TDRD5: variants seen among roughly 807,000 people sequenced by gnomAD.
TDRD5 encodes the protein tudor domain-containing protein 5.
In TDRD5, 41 loss-of-function variants were observed where a neutral mutation model predicts 120.6. The ratio of observed to expected loss-of-function variants is 0.34; its 90% confidence interval spans 0.26 to 0.44. The LOEUF is 0.44. Among genes scored for constraint, TDRD5 ranks in the 20% least tolerant of loss-of-function variants. TDRD5 has a pLI of 1.00. For missense variants in TDRD5, 1,006 were observed against 1,221.2 expected (o/e 0.82, Z 2.63); for synonymous variants, 430 against 433.7 (o/e 0.99, Z 0.11).
At chr1:179,621,134 A>T (rs769113540) in intron 6 of TDRD5, 43 bp downstream of exon 6, 7 of 1,549,774 alleles carry the variant, frequency 4.5e-6, no homozygotes, top group Middle Eastern at 1.7e-4. Flanking sequence ...TTTATGGCTT[A>T]TATTTCTTGT....
chr1:179,643,772 T>C (rs989560483), intron 11 of TDRD5, among the ~76,000 whole-genome samples: 3 of 150,266 alleles, frequency 2.0e-5, no homozygotes, highest in Admixed American at 6.6e-5. Context: ...AGAGAGAGAA[T>C]AGGATGGAAA....
At chr1:179,652,588 TA>T in intron 13 of TDRD5, among the ~76,000 whole-genome samples, 1 of 152,308 alleles carries the variant, frequency 6.6e-6, no homozygotes, top group East Asian at 1.9e-4. Context: ...CAGCCCACAG[TA>T]ATAAGAACAA....
At chr1:179,662,333 G>T in intron 15 of TDRD5, 47 bp downstream of exon 15, 2 of 1,564,674 alleles carry the variant, frequency 1.3e-6, no homozygotes, top group South Asian at 1.2e-5. Flanking sequence ...GGGCACTGCG[G>T]CTCAAGCCTG....
At chr1:179,657,825 A>G (rs1679088010) in intron 14 of TDRD5, among the ~76,000 whole-genome samples, 1 of 152,146 alleles carries the variant, frequency 6.6e-6, no homozygotes, top group Non-Finnish European at 1.5e-5. Flanking sequence ...TAGCATATGC[A>G]TTACCTCACA....
chr1:179,614,033 C>G (rs1676428905), intron 4 of TDRD5, among the ~76,000 whole-genome samples: 2 of 152,112 alleles, frequency 1.3e-5, no homozygotes, highest in Non-Finnish European at 2.9e-5. Context: ...TTCCAAAGTG[C>G]TTTCATCATT....
intron 6 of TDRD5, among the ~76,000 whole-genome samples, chr1:179,621,954 C>T (rs1676865508): frequency 6.6e-6 from 1 of 152,058 alleles, no homozygotes; most frequent in South Asian, 2.1e-4. Flanking sequence ...AACTACTGTG[C>T]CATGAAAACT....
intron 6 of TDRD5, among the ~76,000 whole-genome samples, chr1:179,629,457 G>A (rs935569852): frequency 6.6e-6 from 1 of 151,936 alleles, no homozygotes; most frequent in Non-Finnish European, 1.5e-5. Flanking sequence ...GAGTTTTTCA[G>A]TATAAAATGC....
At chr1:179,611,905 G>A (rs1429719540) in intron 4 of TDRD5, among the ~76,000 whole-genome samples, 1 of 152,164 alleles carries the variant, frequency 6.6e-6, no homozygotes, top group East Asian at 1.9e-4. Flanking sequence ...CTGAGAGGGG[G>A]TGTGGGTTCT....
In TDRD5 at chr1:179,618,617, T is replaced by A; in HGVS notation, c.850T>A (p.Ser284Thr). The A allele has an allele frequency of 6.3e-7, 1 of 1,590,130 alleles. No individual in the cohort carries two copies. Among genetic ancestry groups the A allele is most frequent in the Non-Finnish European group, 8.5e-7 (1 of 1,170,696 alleles). ...TTCATAGCTGGAGAACACATTCAAA[T>A]CAGTTATTGCACAGATTGGACCTGG... is the stretch of plus-strand genomic sequence containing the variant. ...KLNQLENTFK[S>T]VIAQIGPGGT... Residue 284 changes from serine (S) to threonine (T), a missense_variant, in exon 5 of 18, where the codon TCA becomes ACA. Coordinates refer to ENST00000444136, the MANE Select transcript of TDRD5 (RefSeq NM_001199085.3).
rs536411922 is a variant in TDRD5 at position 179,637,568 on chromosome 1, G to T, written c.1520+1681G>T. Among the ~76,000 whole-genome samples the T allele has an allele frequency of 1.3e-4, 19 of 151,584 alleles. 1 individual carries two copies. The highest frequency in any genetic ancestry group is 8.5e-4 in the Admixed American group (13 of 15,248). Reference sequence around the variant, plus strand: ...TCAAGATTCATCTGGGCAACATAGTGAGACCCTGTATCTACAAAAGAATTA... The same window carrying T: ...TCAAGATTCATCTGGGCAACATAGTTAGACCCTGTATCTACAAAAGAATTA... On this transcript the variant is annotated intron_variant, in intron 9 of 17. Coordinates refer to ENST00000444136, the MANE Select transcript of TDRD5 (RefSeq NM_001199085.3).
intron 17 of TDRD5, among the ~76,000 whole-genome samples, chr1:179,687,207 G>A (rs1230644052): frequency 6.6e-6 from 1 of 152,176 alleles, no homozygotes; most frequent in Non-Finnish European, 1.5e-5. Flanking sequence ...TCTACACACT[G>A]CTTTAAATGT....
intron 14 of TDRD5, among the ~76,000 whole-genome samples, chr1:179,660,573 T>G (rs776771589): frequency 6.6e-6 from 1 of 152,200 alleles, no homozygotes; most frequent in African/African-American, 2.4e-5. Context: ...ACAATGTACT[T>G]AGTCAGCATT....
chr1:179,631,061 T>C, intron 7 of TDRD5, 141 bp downstream of exon 7: 1 of 926,364 alleles, frequency 1.1e-6, no homozygotes, highest in Non-Finnish European at 1.6e-6. Context: ...ATAAGGTTAA[T>C]CTGTATTGTT....
At chr1:179,670,649 C>T (rs1217377962) in intron 17 of TDRD5, among the ~76,000 whole-genome samples, 1 of 152,134 alleles carries the variant, frequency 6.6e-6, no homozygotes, top group African/African-American at 2.4e-5. Flanking sequence ...TTTGCATTTT[C>T]CTGTTTACCA....
At chr1:179,672,181 A>T (rs149974262) in intron 17 of TDRD5, among the ~76,000 whole-genome samples, 1 of 152,138 alleles carries the variant, frequency 6.6e-6, no homozygotes, top group East Asian at 1.9e-4. Flanking sequence ...CTCTTTAAGG[A>T]ATCTCCACAC....
chr1:179,617,296 A>T (rs954104229), intron 4 of TDRD5, among the ~76,000 whole-genome samples: 3 of 152,176 alleles, frequency 2.0e-5, no homozygotes, highest in Non-Finnish European at 4.4e-5. Flanking sequence ...TCAGTTCCAG[A>T]GGGAGAATCC....
At chr1:179,618,133 T>C (rs1676654775) in intron 4 of TDRD5, among the ~76,000 whole-genome samples, 1 of 152,096 alleles carries the variant, frequency 6.6e-6, no homozygotes, top group African/African-American at 2.4e-5. Flanking sequence ...TTTCCCCCAC[T>C]CTCTTTGCTT....
intron 17 of TDRD5, among the ~76,000 whole-genome samples, chr1:179,674,361 T>G (rs1038247092): frequency 5.3e-5 from 8 of 152,200 alleles, no homozygotes; most frequent in African/African-American, 1.9e-4. Flanking sequence ...TGACTTATGT[T>G]AAACCATCCC....
chr1:179,599,237 G>A (rs1311889349), intron 4 of TDRD5, among the ~76,000 whole-genome samples: 3 of 151,910 alleles, frequency 2.0e-5, no homozygotes, highest in African/African-American at 7.2e-5. Flanking sequence ...GCTACCTTCA[G>A]TTTGCTAATA....
Sources: gnomAD v4.1 joint callset for allele counts (sites outside exome capture counted in the v4.1 genomes callset) on GRCh38, gnomAD v4.1.1 for gene constraint, MANE v1.5 for transcripts, NCBI Gene and HGNC (gene_info 2026-07-23, HGNC 2026-07-21) for gene names.